The following ERCC8 variants were observed in gnomAD, a reference collection of about 807,000 sequenced individuals.
ERCC8 encodes DNA excision repair protein ERCC-8.
In ERCC8, 52 loss-of-function variants were observed where a neutral mutation model predicts 54.9. The ratio of observed to expected loss-of-function variants is 0.95; its 90% CI spans 0.76 to 1.19. ERCC8 has a LOEUF of 1.19. Among genes scored for constraint, ERCC8 ranks in the 50% most tolerant of loss-of-function variants. ERCC8 has a pLI of 0.00. For synonymous variants in ERCC8, 146 were observed against 157.2 expected (o/e 0.93, Z 0.53); for missense variants, 514 against 466.1 (o/e 1.10, Z -0.95).
intron 2 of ERCC8, among the ~76,000 whole-genome samples, chr5:60,927,354 A>T (rs1561514208): frequency 6.6e-6 from 1 of 152,154 alleles, no homozygotes; most frequent in Non-Finnish European, 1.5e-5. Flanking sequence ...TTTCCTTTTA[A>T]TATCTCTTGT....
In ERCC8 at chr5:60,871,640, C is replaced by T. The variant is rs1747865080; in HGVS notation, c.*2975G>A. ...TGGTTACCTTATGGTATTATAATTC[C>T]AGGTGACCACTACCTTCCTTTTTAG... is the stretch of plus-strand genomic sequence containing the variant. On this transcript the variant is annotated 3_prime_UTR_variant, in exon 12 of 12. Coordinates refer to ENST00000676185, the MANE Select transcript of ERCC8 (RefSeq NM_000082.4). Among the ~76,000 whole-genome samples, 2 of 152,246 alleles carry T rather than the reference C, an allele frequency of 1.3e-5. No individual in the cohort carries two copies. The highest frequency in any genetic ancestry group is 2.1e-4 in the South Asian group (1 of 4,818).
chr5:60,879,803 T>C (rs1480721530), intron 11 of ERCC8, among the ~76,000 whole-genome samples: 1 of 152,228 alleles, frequency 6.6e-6, no homozygotes, highest in Non-Finnish European at 1.5e-5. Flanking sequence ...CACTGATGGG[T>C]CTTGACTCTT....
chr5:60,941,070 T>C (rs1750243499), intron 1 of ERCC8, among the ~76,000 whole-genome samples: 1 of 152,074 alleles, frequency 6.6e-6, no homozygotes, highest in South Asian at 2.1e-4. Context: ...TCCCAGTGAC[T>C]CTTGTGAAGC....
At chr5:60,924,182 T>C (rs1344228629) in intron 2 of ERCC8, 3 of 152,440 alleles carry the variant, frequency 2.0e-5, no homozygotes, top group African/African-American at 7.2e-5. Context: ...TAATTTCTAT[T>C]TCCCATTGCT....
intron 11 of ERCC8, among the ~76,000 whole-genome samples, chr5:60,881,356 G>C (rs1176692697): frequency 2.6e-5 from 4 of 152,168 alleles, no homozygotes; most frequent in African/African-American, 9.7e-5. Flanking sequence ...CTCCAGCTGC[G>C]TGCTGGGAGA....
intron 2 of ERCC8, among the ~76,000 whole-genome samples, chr5:60,922,815 A>G (rs1749638414): frequency 6.6e-6 from 1 of 152,158 alleles, no homozygotes; most frequent in Non-Finnish European, 1.5e-5. Context: ...AGAGTTTACA[A>G]TCCAATAGGG....
At position 60,882,970 on chromosome 5, in the gene ERCC8, A is replaced by AACACACACACAC. The variant is rs10550173; in HGVS notation, c.1122+4458_1122+4469dup. On this transcript the variant is annotated intron_variant, in intron 11 of 11. Coordinates refer to ENST00000676185, the MANE Select transcript of ERCC8 (RefSeq NM_000082.4). Reference sequence around the variant, plus strand: ...TAACTACCAAAAATAGCCCTGGGAAAACACACACACACACACACACACACA... The same window carrying AACACACACACAC: ...TAACTACCAAAAATAGCCCTGGGAAAACACACACACACACACACACACACACACACACACACA... Among the ~76,000 whole-genome samples the AACACACACACAC allele has an allele frequency of 5.8e-4, 84 of 144,824 alleles. 1 individual carries two copies. Among genetic ancestry groups the AACACACACACAC allele is most frequent in the African/African-American group, 2.0e-3 (79 of 39,154 alleles).
At chr5:60,891,170 T>C in intron 9 of ERCC8, 84 bp from the exon 10 acceptor site, 10 of 931,894 alleles carry the variant, frequency 1.1e-5, no homozygotes, top group Non-Finnish European at 1.7e-5. Flanking sequence ...ACTTAAAATA[T>C]TATGCTATAA....
In ERCC8 at chr5:60,873,674, C is replaced by T. The variant is rs961828659; in HGVS notation, c.*941G>A. On this transcript the variant is annotated 3_prime_UTR_variant, in exon 12 of 12. Coordinates refer to ENST00000676185, the MANE Select transcript of ERCC8 (RefSeq NM_000082.4). ...CCTGAGCGACAGAGTGAAACTCCAT[C>T]TCAGGAAAAAAACAAAAAAACAAAA... 6.6e-6 allele frequency among the ~76,000 whole-genome samples: 1 copy of T among 151,962 alleles called. No homozygotes were observed. The highest frequency in any genetic ancestry group is 1.5e-5 in the Non-Finnish European group (1 of 68,004).
intron 9 of ERCC8, among the ~76,000 whole-genome samples, chr5:60,894,846 C>T (rs1432642571): frequency 1.3e-5 from 2 of 152,024 alleles, no homozygotes; most frequent in African/African-American, 2.4e-5. Flanking sequence ...TCAACAAAAT[C>T]CACTGTCGTC....
intron 2 of ERCC8, chr5:60,924,621 A>G (rs2112526402): frequency 6.5e-6 from 1 of 154,596 alleles, no homozygotes; most frequent in East Asian, 1.9e-4. Context: ...TATTGTTTTA[A>G]TATTTATTCT....
intron 11 of ERCC8, among the ~76,000 whole-genome samples, chr5:60,884,044 C>T (rs1475476815): frequency 1.3e-5 from 2 of 152,172 alleles, no homozygotes; most frequent in African/African-American, 4.8e-5. Flanking sequence ...TAACTCTCAT[C>T]TGAAGAATGC....
intron 9 of ERCC8, chr5:60,893,758 G>A (rs1748640692): frequency 8.4e-6 from 3 of 355,938 alleles, no homozygotes; most frequent in Admixed American, 4.3e-5. Context: ...ACGAGGGGGC[G>A]GGGCTTCTCC....
chr5:60,931,675 T>C (rs968917215), intron 1 of ERCC8, among the ~76,000 whole-genome samples: 2 of 152,184 alleles, frequency 1.3e-5, no homozygotes, highest in Admixed American at 6.5e-5. Flanking sequence ...CAATATTTCA[T>C]CAAAACTTTT....
intron 4 of ERCC8, among the ~76,000 whole-genome samples, chr5:60,906,558 G>A (rs1749077478): frequency 6.6e-6 from 1 of 151,610 alleles, no homozygotes; most frequent in African/African-American, 2.4e-5. Flanking sequence ...GTGAAACTCC[G>A]TCTCTACTTA....
intron 1 of ERCC8, among the ~76,000 whole-genome samples, chr5:60,940,544 A>G (rs1359088158): frequency 6.6e-6 from 1 of 152,200 alleles, no homozygotes; most frequent in Non-Finnish European, 1.5e-5. Context: ...ATCACAGAGA[A>G]GAAGGAGCTC....
chr5:60,921,718 A>G (rs962288177), intron 3 of ERCC8, among the ~76,000 whole-genome samples: 4 of 151,978 alleles, frequency 2.6e-5, no homozygotes, highest in Non-Finnish European at 5.9e-5. Flanking sequence ...AGGACTATAA[A>G]TGAATCTTAC....
intron 11 of ERCC8, among the ~76,000 whole-genome samples, chr5:60,879,710 T>C (rs1406970026): frequency 6.6e-5 from 10 of 152,198 alleles, no homozygotes; most frequent in African/African-American, 2.2e-4. Context: ...TTGTTTTCCA[T>C]TTGCTTGGTA....
At chr5:60,910,618 T>C (rs1749229788) in intron 4 of ERCC8, among the ~76,000 whole-genome samples, 2 of 152,224 alleles carry the variant, frequency 1.3e-5, no homozygotes, top group Non-Finnish European at 2.9e-5. Context: ...AATATATTAC[T>C]AGGTATATGA....
Sources: gnomAD v4.1 joint callset for allele counts (sites outside exome capture counted in the v4.1 genomes callset) on GRCh38, gnomAD v4.1.1 for gene constraint, MANE v1.5 for transcripts, NCBI Gene and HGNC (gene_info 2026-07-23, HGNC 2026-07-21) for gene names.